CTNNA2: variants seen among roughly 807,000 people sequenced by gnomAD.
CTNNA2 encodes catenin alpha 2, also known as catenin alpha-2.
In CTNNA2, 42 loss-of-function variants were observed where a neutral mutation model predicts 101.0. The ratio of observed to expected loss-of-function variants is 0.42; its 90% confidence interval spans 0.32 to 0.54. The LOEUF (loss-of-function observed/expected upper bound fraction) is 0.54, where lower values mean the gene tolerates loss of function less well. Ranked by LOEUF, CTNNA2 falls within the 20% of genes least tolerant of loss-of-function variation. CTNNA2 has a pLI of 0.14. For synonymous variants in CTNNA2, 450 were observed against 456.4 expected, an observed-to-expected ratio of 0.99 and a Z score of 0.18; for missense variants, 871 against 1,223.1, an observed-to-expected ratio of 0.71 and a Z score of 4.29.
intron 3 of CTNNA2, among the ~76,000 whole-genome samples, chr2:79,769,013 C>T (rs961840909): frequency 2.0e-5 from 3 of 152,104 alleles, no homozygotes; most frequent in African/African-American, 7.2e-5. Flanking sequence ...CGCCACCACG[C>T]CTGGCTAATT....
At chr2:80,550,980 A>G (rs373579657) in intron 11 of CTNNA2, among the ~76,000 whole-genome samples, 11 of 152,188 alleles carry the variant, frequency 7.2e-5, no homozygotes, top group Non-Finnish European at 1.3e-4. Context: ...TATTGCAGCT[A>G]TAGCCTTAAA....
chr2:79,492,407 CAATG>C (rs1558680522), intron 4 of CTNNA2, among the ~76,000 whole-genome samples: 1 of 151,596 alleles, frequency 6.6e-6, no homozygotes, highest in African/African-American at 2.4e-5. Context: ...TCTAATCAGA[CAATG>C]AAATTTATGG....
chr2:80,292,674 G>A (rs1002832111), intron 7 of CTNNA2, among the ~76,000 whole-genome samples: 1 of 152,208 alleles, frequency 6.6e-6, no homozygotes, highest in African/African-American at 2.4e-5. Flanking sequence ...TGCCAGCATA[G>A]TCCTCTTGAG....
At chr2:80,396,249 T>G (rs1678000953) in intron 8 of CTNNA2, among the ~76,000 whole-genome samples, 1 of 152,188 alleles carries the variant, frequency 6.6e-6, no homozygotes, top group Admixed American at 6.5e-5. Context: ...AAAGGTACCA[T>G]TTAAAACTGA....
At chr2:79,407,194 A>G (rs1678350159) in intron 4 of CTNNA2, among the ~76,000 whole-genome samples, 1 of 152,086 alleles carries the variant, frequency 6.6e-6, no homozygotes, top group African/African-American at 2.4e-5. Context: ...ATAATATTAC[A>G]GTCTATTAGA....
chr2:80,193,185 C>T (rs1179240907), intron 7 of CTNNA2, among the ~76,000 whole-genome samples: 1 of 152,166 alleles, frequency 6.6e-6, no homozygotes, highest in African/African-American at 2.4e-5. Context: ...TGGTAACTAT[C>T]AACTGAATGT....
At chr2:80,417,557 T>A (rs903438287) in intron 8 of CTNNA2, among the ~76,000 whole-genome samples, 5 of 151,980 alleles carry the variant, frequency 3.3e-5, no homozygotes, top group Non-Finnish European at 5.9e-5. Flanking sequence ...GCATTTGATG[T>A]GGTGTTTATT....
chr2:79,592,561 C>T (rs1676932924), intron 1 of CTNNA2, among the ~76,000 whole-genome samples: 3 of 151,974 alleles, frequency 2.0e-5, no homozygotes, highest in Non-Finnish European at 4.4e-5. Flanking sequence ...TTAATTTGTT[C>T]TTATCTTCTC....
At chr2:79,403,575 A>T (rs991428424) in intron 4 of CTNNA2, among the ~76,000 whole-genome samples, 2 of 151,982 alleles carry the variant, frequency 1.3e-5, no homozygotes, top group African/African-American at 4.8e-5. Flanking sequence ...AACTTATAAA[A>T]ATTAACTACA....
intron 9 of CTNNA2, among the ~76,000 whole-genome samples, chr2:80,538,054 C>T (rs767647025): frequency 3.3e-5 from 5 of 152,150 alleles, no homozygotes; most frequent in Non-Finnish European, 5.9e-5. Flanking sequence ...GTTCATATCC[C>T]TTGCCCACTT....
rs1198942390 is a variant in CTNNA2 at position 80,301,512 on chromosome 2, AT to A, written c.1057-91697del. On this transcript the variant is annotated intron_variant, in intron 7 of 18. Coordinates refer to ENST00000402739, the MANE Select transcript of CTNNA2 (RefSeq NM_001282597.3). Reference sequence around the variant, plus strand: ...GTGTTCCTAGGAGAAACTGTCTGGCATTGCTTTTTAAAAACCATTTGCAATG... The same window carrying A: ...GTGTTCCTAGGAGAAACTGTCTGGCATGCTTTTTAAAAACCATTTGCAATG... 1.3e-3 allele frequency among the ~76,000 whole-genome samples: 197 copies of A among 152,320 alleles called. 8 individuals carry two copies. The South Asian group carries it at 0.04, about 31-fold the overall frequency.
At chr2:80,608,354 C>T (rs1244445948) in intron 17 of CTNNA2, 36 bp downstream of exon 17, 1 of 1,581,586 alleles carries the variant, frequency 6.3e-7, no homozygotes, top group Non-Finnish European at 8.7e-7. Context: ...GTAAAGTTCC[C>T]ACCGTTGCAC....
intron 3 of CTNNA2, among the ~76,000 whole-genome samples, chr2:79,313,986 A>G (rs1339297596): frequency 1.3e-5 from 2 of 152,106 alleles, no homozygotes; most frequent in Non-Finnish European, 2.9e-5. Flanking sequence ...GGTCCTGATG[A>G]CAACAAGGCC....
chr2:80,429,285 A>C (rs1399155995), intron 9 of CTNNA2, among the ~76,000 whole-genome samples: 2 of 152,212 alleles, frequency 1.3e-5, no homozygotes, highest in Non-Finnish European at 2.9e-5. Context: ...AACCTTATTT[A>C]ATGCTTCTGA....
chr2:80,166,404 T>C (rs1704699158), intron 7 of CTNNA2, among the ~76,000 whole-genome samples: 1 of 152,136 alleles, frequency 6.6e-6, no homozygotes, highest in African/African-American at 2.4e-5. Flanking sequence ...GCAGTGAAGC[T>C]TCCATTAAAA....
At chr2:80,225,652 T>C (rs965900613) in intron 7 of CTNNA2, among the ~76,000 whole-genome samples, 1 of 152,234 alleles carries the variant, frequency 6.6e-6, no homozygotes, top group African/African-American at 2.4e-5. Flanking sequence ...TAGAATAGCA[T>C]ATAATGGTTC....
rs1024157654 is a variant in CTNNA2 at position 80,374,819 on chromosome 2, G to A, written c.1057-18392G>A. On this transcript the variant is annotated intron_variant, in intron 7 of 18. Transcript: ENST00000402739. ...TAATTACCTCTTTAAAGGTCGTATC[G>A]CCCAAATATAGTCACATTCTGAGGT... 3.3e-5 allele frequency among the ~76,000 whole-genome samples: 5 copies of A among 151,800 alleles called. No homozygotes were observed. The South Asian group carries it at 6.2e-4, about 19-fold the overall frequency.
At chr2:80,381,734 T>C (rs925414048) in intron 7 of CTNNA2, among the ~76,000 whole-genome samples, 28 of 152,300 alleles carry the variant, frequency 1.8e-4, no homozygotes, top group African/African-American at 6.0e-4. Context: ...TTCCTCACTT[T>C]CCTTTGCTGC....
chr2:80,073,511 C>G (rs1429686305), intron 7 of CTNNA2, among the ~76,000 whole-genome samples: 1 of 151,996 alleles, frequency 6.6e-6, no homozygotes, highest in African/African-American at 2.4e-5. Flanking sequence ...GTGTTGGGCA[C>G]AGATTTGTGA....
Sources: allele counts gnomAD v4.1 joint callset (sites outside exome capture counted in the v4.1 genomes callset), GRCh38; gene constraint gnomAD v4.1.1; transcripts MANE v1.5; gene names NCBI Gene and HGNC (gene_info 2026-07-23, HGNC 2026-07-21).